The following SREK1 variants were observed in gnomAD, a reference collection of about 807,000 sequenced individuals.
The protein encoded by SREK1 is splicing regulatory glutamine/lysine-rich protein 1.
A neutral mutation model predicts 66.5 loss-of-function variants in SREK1; 13 were observed. The ratio of observed to expected loss-of-function variants is 0.20; its 90% CI spans 0.13 to 0.31. The LOEUF (loss-of-function observed/expected upper bound fraction) is 0.31, where lower values mean the gene tolerates loss of function less well. Among genes scored for constraint, SREK1 ranks in the 10% least tolerant of loss-of-function variants. SREK1 has a pLI of 1.00. For missense variants in SREK1, 607 were observed against 769.6 expected (o/e 0.79, Z 2.50); for synonymous variants, 265 against 263.5 (o/e 1.01, Z -0.05).
In SREK1 at chr5:66,144,351, G is replaced by C. The variant is rs886689215; in HGVS notation, c.-26G>C. 6.6e-7 allele frequency: 1 copy of C among 1,513,490 alleles called. No homozygotes were observed. Among genetic ancestry groups the C allele is most frequent in the East Asian group, 2.5e-5 (1 of 39,704 alleles). 93.8% of individuals were successfully genotyped at this position (1,513,490 alleles called of 1,614,324 possible). The stretch of plus-strand genomic sequence containing the variant: ...TGACGCGTCGTAGACGTTGGGGAGC[G>C]GGAAGGCAACGGCAGCGGGATCGGG... On this transcript the variant is annotated 5_prime_UTR_variant, in exon 1 of 12. Transcript: ENST00000334121.
chr5:66,157,322 A>G, intron 2 of SREK1: 1 of 983,810 alleles, frequency 1.0e-6, no homozygotes, highest in Non-Finnish European at 1.2e-6. Flanking sequence ...TTTTGTTTGT[A>G]TAGTCTTTCT....
chr5:66,163,710 AATATGTGTATC>A, intron 5 of SREK1, 71 bp from the exon 6 acceptor site: 1 of 1,417,880 alleles, frequency 7.1e-7, no homozygotes, highest in Non-Finnish European at 9.5e-7. Context: ...CACGTTTATA[AATATGTGTATC>A]ATATAAATGT....
chr5:66,147,900 T>C (rs1157024944), intron 1 of SREK1, among the ~76,000 whole-genome samples: 1 of 151,092 alleles, frequency 6.6e-6, no homozygotes, highest in Admixed American at 6.6e-5. Context: ...ACTGTTATTT[T>C]ACTTTTTTCA....
intron 1 of SREK1, among the ~76,000 whole-genome samples, chr5:66,147,578 AT>A (rs896536176): frequency 6.6e-6 from 1 of 151,928 alleles, no homozygotes; most frequent in Non-Finnish European, 1.5e-5. Flanking sequence ...TCCTGTGTTG[AT>A]TTTTTTTGCT....
chr5:66,163,105 T>G (rs921901741), intron 5 of SREK1: 2 of 152,266 alleles, frequency 1.3e-5, no homozygotes, highest in African/African-American at 4.8e-5. Context: ...GACCAGAAAT[T>G]CTATTTCATG....
Position 66,170,524 on chromosome 5 carries a change from G to T in SREK1, c.1122-61G>T. On this transcript the variant is annotated intron_variant, in intron 8 of 11. Coordinates refer to ENST00000334121, the MANE Select transcript of SREK1 (RefSeq NM_001077199.3). ...TGTTGGTAATTGTTGAAGAGAGAGA[G>T]GTCTTTTTGGAGGAGGTAGAACTAT... The T allele has an allele frequency of 7.9e-6, 12 of 1,524,088 alleles. No homozygotes were observed. In the South Asian group the frequency reaches 1.6e-4, roughly 20 times the overall value. 94.4% of individuals were successfully genotyped at this position (1,524,088 alleles called of 1,614,324 possible).
intron 2 of SREK1, 92 bp downstream of exon 2, chr5:66,153,688 T>C (rs1468939026): frequency 2.0e-6 from 3 of 1,501,658 alleles, no homozygotes; most frequent in South Asian, 1.2e-5. Flanking sequence ...TAGACAGTAC[T>C]CTTGGTGTGT....
chr5:66,174,836 TAAA>T lies in SREK1; in HGVS notation c.1485-109_1485-107del, dbSNP rs543942063. The T allele has an allele frequency of 1.5e-4, 149 of 973,232 alleles. 1 individual carries two copies. The African/African-American group carries it at 2.1e-3, about 14-fold the overall frequency. The allele number at this position is 973,232 out of a possible 1,614,324, so 60.3% of individuals were successfully genotyped here. A position where few individuals can be genotyped will look rare whatever the true frequency, so the allele number is the denominator to read the frequency against. ...AAGGACATAAGTTTAAACTGGCCTCTAAAGAATACTGTTCATATGAGAATATCA... is the reference window on the plus strand; with the variant it reads ...AAGGACATAAGTTTAAACTGGCCTCTGAATACTGTTCATATGAGAATATCA... On this transcript the variant is annotated intron_variant, in intron 9 of 11. Coordinates refer to ENST00000334121, the MANE Select transcript of SREK1 (RefSeq NM_001077199.3).
Position 66,177,672 on chromosome 5 carries a change from A to T in SREK1, c.1725+14A>T, listed in dbSNP as rs780252290. The T allele has an allele frequency of 6.3e-6, 10 of 1,579,364 alleles. No homozygotes were observed. Among genetic ancestry groups the T allele is most frequent in the Non-Finnish European group, 8.6e-6 (10 of 1,167,610 alleles). On this transcript the variant is annotated intron_variant, in intron 11 of 11. Coordinates refer to ENST00000334121, the MANE Select transcript of SREK1 (RefSeq NM_001077199.3). ...ACTTCACTTAAAGTAAGCAGCAGTC[A>T]TTCGGTGTCTGGCACTTGAAATGGT...
At chr5:66,156,187 A>G in intron 2 of SREK1, 3 of 1,312,180 alleles carry the variant, frequency 2.3e-6, no homozygotes, top group Non-Finnish European at 2.9e-6. Context: ...TCTGAACCGC[A>G]GAAGATGGAC....
rs1372622673 is a variant in SREK1, at chr5:66,176,804, A to C, written c.1581-710A>C. On this transcript the variant is annotated intron_variant, in intron 10 of 11. Coordinates refer to ENST00000334121, the MANE Select transcript of SREK1 (RefSeq NM_001077199.3). Reference sequence around the variant, plus strand: ...TTGGAGGTTAGGTTTGTACATAGGAAAGTTATTGATTTCTGTATATTTATT... The same window carrying C: ...TTGGAGGTTAGGTTTGTACATAGGACAGTTATTGATTTCTGTATATTTATT... Among the ~76,000 whole-genome samples, 5 of 152,092 alleles carry C rather than the reference A, an allele frequency of 3.3e-5. No homozygotes were observed. In the East Asian group the frequency reaches 9.7e-4, roughly 29 times the overall value.
Position 66,156,434 on chromosome 5 carries a change from G to GTA in SREK1, c.296-2784_296-2783dup, listed in dbSNP as rs1744290524. On this transcript the variant is annotated intron_variant, in intron 2 of 11. Coordinates refer to ENST00000334121, the MANE Select transcript of SREK1 (RefSeq NM_001077199.3). ...TTAAGATAAAGCAAATTTTCATGTG[G>GTA]TAAATTAGGATACAGTGTTGTGAAG... 2.8e-6 allele frequency: 3 copies of GTA among 1,065,678 alleles called. No homozygotes were observed. The East Asian group carries it at 2.1e-4, about 75-fold the overall frequency. The allele number at this position is 1,065,678 out of a possible 1,614,324, so 66.0% of individuals were successfully genotyped here.
intron 3 of SREK1, 130 bp downstream of exon 3, chr5:66,159,464 C>T: frequency 2.7e-6 from 2 of 737,656 alleles, no homozygotes; most frequent in South Asian, 3.9e-5. Flanking sequence ...GATTCGAAAT[C>T]ACTGCTTAAA....
rs1261944676 is a variant in SREK1 at position 66,153,445 on chromosome 5, T to C, written c.162-18T>C. ...GCAAATGTTTATTAGTTCAATTGTTTTTCTTTTTATCTTGCAGCAACGCAC... is the reference window on the plus strand; with the variant it reads ...GCAAATGTTTATTAGTTCAATTGTTCTTCTTTTTATCTTGCAGCAACGCAC... On this transcript the variant is annotated intron_variant, in intron 1 of 11. Transcript: ENST00000334121. 6.2e-7 allele frequency: 1 copy of C among 1,601,440 alleles called. No homozygotes were observed. Among genetic ancestry groups the C allele is most frequent in the Non-Finnish European group, 8.5e-7 (1 of 1,175,644 alleles).
rs753240511 is a variant in SREK1 at position 66,153,608 on chromosome 5, G to A, written c.295+12G>A. Reference sequence around the variant, plus strand: ...TCCTTGTGCAGAAGGTTGGTATCTCGCTTTTTTTCCTCTTATTTGAATTTC... The same window carrying A: ...TCCTTGTGCAGAAGGTTGGTATCTCACTTTTTTTCCTCTTATTTGAATTTC... On this transcript the variant is annotated intron_variant, in intron 2 of 11. Coordinates refer to ENST00000334121, the MANE Select transcript of SREK1 (RefSeq NM_001077199.3). 10 of 1,613,422 alleles carry A rather than the reference G, an allele frequency of 6.2e-6. No homozygotes were observed. The highest frequency in any genetic ancestry group is 3.3e-4 in the Middle Eastern group (2 of 6,082).
intron 6 of SREK1, 185 bp from the exon 7 acceptor site, chr5:66,164,598 A>G: frequency 6.6e-7 from 1 of 1,523,406 alleles, no homozygotes; most frequent in Non-Finnish European, 8.8e-7. Context: ...GTTTATATGT[A>G]CTGCTGCAGG....
Position 66,172,520 on chromosome 5 carries a change from C to T in SREK1, c.1484+1573C>T, listed in dbSNP as rs372023504. 5.3e-5 allele frequency among the ~76,000 whole-genome samples: 8 copies of T among 152,050 alleles called. No individual in the cohort carries two copies. The East Asian group carries it at 7.7e-4, about 15-fold the overall frequency. ...ACGTGATTCTTGTACCTCAGCCTCC[C>T]GAGTAGCTGGGATTACAGGTGTGCA... is the stretch of plus-strand genomic sequence containing the variant. On this transcript the variant is annotated intron_variant, in intron 9 of 11. Coordinates refer to ENST00000334121, the MANE Select transcript of SREK1 (RefSeq NM_001077199.3).
At position 66,179,988 on chromosome 5, in the gene SREK1, T is replaced by C. The variant is rs1746376496; in HGVS notation, c.*1120T>C. 6.6e-6 allele frequency: 1 copy of C among 152,574 alleles called. No individual in the cohort carries two copies. Among genetic ancestry groups the C allele is most frequent in the Non-Finnish European group, 1.5e-5 (1 of 67,990 alleles). 9.5% of individuals were successfully genotyped at this position (152,574 alleles called of 1,614,324 possible). The stretch of plus-strand genomic sequence containing the variant: ...ACCATCAGTTTTATACTGTGATAAT[T>C]GAAAATGAAACATGTTCTTATTTTC... On this transcript the variant is annotated 3_prime_UTR_variant, in exon 12 of 12. Coordinates refer to ENST00000334121, the MANE Select transcript of SREK1 (RefSeq NM_001077199.3).
rs1341600688 is a variant in SREK1, at chr5:66,162,199, C to G, written c.502C>G (p.Leu168Val). The stretch of plus-strand genomic sequence containing the variant: ...ACTTGGAGAGATACCACAGCCACCA[C>G]TTATGGGAAACGTGGATCCTTCCAA... ...ATLGEIPQPP[L>V]MGNVDPSKID... The change falls in exon 4 of 12, where the codon CTT becomes GTT. Residue 168 changes from leucine to valine, a missense_variant. Physicochemically the swap from Leu to Val is conservative, Grantham distance 32. Coordinates refer to ENST00000334121, the MANE Select transcript of SREK1 (RefSeq NM_001077199.3). The G allele has an allele frequency of 6.2e-7, 1 of 1,614,078 alleles. No individual in the cohort carries two copies. The highest frequency in any genetic ancestry group is 1.7e-5 in the Admixed American group (1 of 60,020).
Sources: gnomAD v4.1 joint callset for allele counts (sites outside exome capture counted in the v4.1 genomes callset) on GRCh38, gnomAD v4.1.1 for gene constraint, MANE v1.5 for transcripts, NCBI Gene and HGNC (gene_info 2026-07-23, HGNC 2026-07-21) for gene names.